Variants in TENM3 observed in about 807,000 individuals in gnomAD.
TENM3 encodes the protein teneurin-3.
Under a neutral mutation model 255.1 loss-of-function variants are expected in TENM3, and 63 were observed. That is an observed-to-expected ratio of 0.25 (90% CI 0.20 to 0.30). The LOEUF is 0.30. Ranked by LOEUF, TENM3 falls within the 10% of genes least tolerant of loss-of-function variation. The probability of loss-of-function intolerance (pLI) is 1.00; values close to 1 mark genes in which losing one functional copy is unlikely to be tolerated. For missense variants in TENM3, 2,929 were observed against 3,461.1 expected, an observed-to-expected ratio of 0.85 and a Z score of 3.86; for synonymous variants, 1,306 against 1,322.3, an observed-to-expected ratio of 0.99 and a Z score of 0.27.
intron 6 of TENM3, among the ~76,000 whole-genome samples, chr4:182,664,367 T>C (rs1016560857): frequency 6.6e-6 from 1 of 152,190 alleles, no homozygotes; most frequent in Non-Finnish European, 1.5e-5. Flanking sequence ...GACAGCGAAC[T>C]TAATAAATGT....
At chr4:182,112,894 A>G in the TENM3 span, among the ~76,000 whole-genome samples, 1 of 152,198 alleles carries the variant, frequency 6.6e-6, no homozygotes, top group Non-Finnish European at 1.5e-5. Context: ...TTGCTAGTTA[A>G]GGAACAGCTA....
At chr4:181,492,668 A>T in the TENM3 span, among the ~76,000 whole-genome samples, 1 of 152,014 alleles carries the variant, frequency 6.6e-6, no homozygotes, top group African/African-American at 2.4e-5. Flanking sequence ...TGTTCTACAG[A>T]TTTTTTTTAT....
intron 3 of TENM3, among the ~76,000 whole-genome samples, chr4:182,400,520 A>C (rs972440009): frequency 6.6e-6 from 1 of 152,254 alleles, no homozygotes; most frequent in Non-Finnish European, 1.5e-5. Context: ...TTGATATTGT[A>C]AAGCTAGCAT....
intron 3 of TENM3, among the ~76,000 whole-genome samples, chr4:182,386,343 T>C (rs932985126): frequency 7.2e-5 from 11 of 152,184 alleles, no homozygotes; most frequent in African/African-American, 2.4e-4. Flanking sequence ...GCTGAAGTGT[T>C]TGTGTTTTGA....
chr4:181,659,459 G>A, the TENM3 span, among the ~76,000 whole-genome samples: 3 of 152,108 alleles, frequency 2.0e-5, no homozygotes, highest in Non-Finnish European at 2.9e-5. Context: ...AATTCTATGG[G>A]GAATAGAATT....
At chr4:182,092,196 C>G in the TENM3 span, among the ~76,000 whole-genome samples, 1 of 152,050 alleles carries the variant, frequency 6.6e-6, no homozygotes, top group African/African-American at 2.4e-5. Context: ...CAAAAATTAG[C>G]CAGGCATGGT....
chr4:182,360,712 T>G (rs1280198353), intron 3 of TENM3, among the ~76,000 whole-genome samples: 4 of 152,094 alleles, frequency 2.6e-5, no homozygotes, highest in Non-Finnish European at 5.9e-5. Flanking sequence ...GAGCATTTAG[T>G]CCATTTACAT....
At chr4:181,748,224 G>T in the TENM3 span, among the ~76,000 whole-genome samples, 1 of 152,038 alleles carries the variant, frequency 6.6e-6, no homozygotes, top group Non-Finnish European at 1.5e-5. Context: ...AGATAAATTT[G>T]AGGAAATATA....
At chr4:182,405,552 G>A (rs1769508531) in intron 3 of TENM3, among the ~76,000 whole-genome samples, 1 of 152,184 alleles carries the variant, frequency 6.6e-6, no homozygotes, top group Non-Finnish European at 1.5e-5. Flanking sequence ...ATTTGAAGTG[G>A]CACTTATCCA....
At chr4:182,600,099 T>C (rs987132865) in intron 3 of TENM3, among the ~76,000 whole-genome samples, 1 of 152,238 alleles carries the variant, frequency 6.6e-6, no homozygotes, top group Non-Finnish European at 1.5e-5. Flanking sequence ...TCAGACTCTT[T>C]ATGATTCTGG....
intron 3 of TENM3, among the ~76,000 whole-genome samples, chr4:182,448,255 G>A (rs1377562795): frequency 2.6e-5 from 4 of 152,236 alleles, no homozygotes; most frequent in African/African-American, 9.6e-5. Flanking sequence ...GTGGCGGAGA[G>A]GCGGTGGCCG....
the TENM3 span, among the ~76,000 whole-genome samples, chr4:181,913,522 G>A: frequency 5.9e-5 from 9 of 152,242 alleles, no homozygotes; most frequent in South Asian, 2.1e-4. Context: ...GGGTTAGACC[G>A]CACAGTCTAA....
the TENM3 span, among the ~76,000 whole-genome samples, chr4:181,980,675 G>A: frequency 6.6e-6 from 1 of 151,954 alleles, no homozygotes; most frequent in African/African-American, 2.4e-5. Flanking sequence ...CTTTTTCCAT[G>A]TATCTAATTT....
the TENM3 span, among the ~76,000 whole-genome samples, chr4:181,920,832 G>A: frequency 2.6e-5 from 4 of 152,222 alleles, no homozygotes; most frequent in East Asian, 5.8e-4. Context: ...GAATGGTAAT[G>A]CCTAGGTTTT....
At chr4:182,408,714 A>G (rs1237829165) in intron 3 of TENM3, among the ~76,000 whole-genome samples, 1 of 152,264 alleles carries the variant, frequency 6.6e-6, no homozygotes, top group Non-Finnish European at 1.5e-5. Flanking sequence ...TACTTTTCTT[A>G]TTAACATTCA....
At chr4:181,495,902 T>TAAAAAAAAAAAAAAA in the TENM3 span, among the ~76,000 whole-genome samples, 1 of 116,852 alleles carries the variant, frequency 8.6e-6, no homozygotes, top group African/African-American at 3.2e-5. Context: ...AGAGACAAAT[T>TAAAAAAAAAAAAAAA]AAAAAAAAAA....
the TENM3 span, among the ~76,000 whole-genome samples, chr4:181,492,388 C>A: frequency 2.0e-5 from 3 of 151,994 alleles, no homozygotes; most frequent in African/African-American, 7.2e-5. Context: ...AAGTATGAAG[C>A]AATAAATGCA....
chr4:181,806,294 C>A, the TENM3 span, among the ~76,000 whole-genome samples: 2 of 152,214 alleles, frequency 1.3e-5, no homozygotes, highest in Admixed American at 6.5e-5. Context: ...CATCCCCACG[C>A]CTGTGTCTTG....
At chr4:182,080,084 A>G in the TENM3 span, among the ~76,000 whole-genome samples, 1 of 152,202 alleles carries the variant, frequency 6.6e-6, no homozygotes, top group South Asian at 2.1e-4. Flanking sequence ...GAAGAAGGAA[A>G]AGGAGCTTGA....
Sources: allele counts gnomAD v4.1 joint callset (sites outside exome capture counted in the v4.1 genomes callset), GRCh38; gene constraint gnomAD v4.1.1; transcripts MANE v1.5; gene names NCBI Gene and HGNC (gene_info 2026-07-23, HGNC 2026-07-21).